Variants in CAMTA1 observed in about 807,000 individuals in gnomAD.
The protein encoded by CAMTA1 is calmodulin-binding transcription activator 1.
Under a neutral mutation model 170.9 loss-of-function variants are expected in CAMTA1, and 27 were observed. The ratio of observed to expected loss-of-function variants is 0.16; its 90% CI spans 0.12 to 0.22. The LOEUF (loss-of-function observed/expected upper bound fraction) is 0.22, where lower values mean the gene tolerates loss of function less well. Ranked by LOEUF, CAMTA1 falls within the 10% of genes least tolerant of loss-of-function variation. The probability of loss-of-function intolerance (pLI) is 1.00; values close to 1 mark genes in which losing one functional copy is unlikely to be tolerated. For synonymous variants in CAMTA1, 833 were observed against 891.5 expected (o/e 0.93, Z 1.17); for missense variants, 1,619 against 2,217.2 (o/e 0.73, Z 5.42).
chr1:6,900,779 A>G (rs1055151170), intron 3 of CAMTA1, among the ~76,000 whole-genome samples: 1 of 152,250 alleles, frequency 6.6e-6, no homozygotes, highest in Admixed American at 6.5e-5. Context: ...AGAGAAATTA[A>G]GAGAAGATCT....
chr1:7,184,759 A>G (rs1652910431), intron 4 of CAMTA1, among the ~76,000 whole-genome samples: 1 of 152,170 alleles, frequency 6.6e-6, no homozygotes, highest in African/African-American at 2.4e-5. Context: ...TTTCAAACTA[A>G]AAACATCATG....
At chr1:6,852,765 G>A (rs906053889) in intron 3 of CAMTA1, among the ~76,000 whole-genome samples, 1 of 152,168 alleles carries the variant, frequency 6.6e-6, no homozygotes, top group Non-Finnish European at 1.5e-5. Context: ...GCTCTATTAC[G>A]AAGGCATGAT....
intron 6 of CAMTA1, among the ~76,000 whole-genome samples, chr1:7,519,405 G>A (rs939206532): frequency 9.9e-5 from 15 of 151,990 alleles, no homozygotes; most frequent in Non-Finnish European, 1.3e-4. Context: ...TTGGCAGAAG[G>A]AGCTCTGCAC....
chr1:7,556,353 G>A (rs1369140918), intron 6 of CAMTA1, among the ~76,000 whole-genome samples: 1 of 152,136 alleles, frequency 6.6e-6, no homozygotes, highest in African/African-American at 2.4e-5. Context: ...CCCTAGGGGG[G>A]CAGTCCCTCC....
chr1:7,103,556 CACATACACACA>C (rs1458020844), intron 4 of CAMTA1, among the ~76,000 whole-genome samples: 993 of 32,334 alleles, frequency 0.031, 7 homozygotes, highest in African/African-American at 0.19. Flanking sequence ...ACACACTACA[CACATACACACA>C]ACACAACTAC....
chr1:7,172,158 C>CT (rs780671382), intron 4 of CAMTA1, among the ~76,000 whole-genome samples: 89 of 147,152 alleles, frequency 6.0e-4, no homozygotes, highest in East Asian at 2.6e-3. Context: ...TGTGACTTCT[C>CT]TTTTTTTTTT....
At chr1:7,166,834 G>A (rs2148802014) in intron 4 of CAMTA1, among the ~76,000 whole-genome samples, 1 of 148,614 alleles carries the variant, frequency 6.7e-6, no homozygotes, top group Admixed American at 6.7e-5. Flanking sequence ...AAATTGAGAT[G>A]GAGTCTCACT....
intron 11 of CAMTA1, among the ~76,000 whole-genome samples, chr1:7,728,836 G>A (rs558801363): frequency 1.7e-4 from 26 of 152,262 alleles, no homozygotes; most frequent in South Asian, 6.2e-4. Flanking sequence ...AGACACCAGC[G>A]CAACCTCTGT....
At chr1:7,720,431 G>A (rs1577174412) in intron 11 of CAMTA1, among the ~76,000 whole-genome samples, 1 of 152,102 alleles carries the variant, frequency 6.6e-6, no homozygotes, top group Non-Finnish European at 1.5e-5. Context: ...GCCCAGGCTG[G>A]AGTGCAGTGG....
intron 4 of CAMTA1, among the ~76,000 whole-genome samples, chr1:7,212,657 G>A (rs990735541): frequency 6.6e-6 from 1 of 152,122 alleles, no homozygotes; most frequent in Non-Finnish European, 1.5e-5. Context: ...CTATAGTAGA[G>A]TATCACAGCC....
intron 3 of CAMTA1, among the ~76,000 whole-genome samples, chr1:6,910,423 C>T (rs1178574699): frequency 6.6e-6 from 1 of 152,224 alleles, no homozygotes; most frequent in Non-Finnish European, 1.5e-5. Context: ...TTCTTTTTAG[C>T]CAGGCTGGAA....
chr1:7,611,344 C>T (rs983522206), intron 6 of CAMTA1, among the ~76,000 whole-genome samples: 1 of 152,174 alleles, frequency 6.6e-6, no homozygotes. Context: ...TTTTCTGGCA[C>T]CCCCTTAAAT....
At chr1:6,904,972 T>C (rs2149237230) in intron 3 of CAMTA1, among the ~76,000 whole-genome samples, 1 of 152,090 alleles carries the variant, frequency 6.6e-6, no homozygotes, top group South Asian at 2.1e-4. Flanking sequence ...TCCAACAGGT[T>C]ATTCGTGTGG....
In CAMTA1 at chr1:7,469,320, G is replaced by C. The variant is rs374017184; in HGVS notation, c.510+1419G>C. On this transcript the variant is annotated intron_variant, in intron 6 of 22. Coordinates refer to ENST00000303635, the MANE Select transcript of CAMTA1 (RefSeq NM_015215.4). ...TTTTGGGGTCTTGTTACTAGGAATT[G>C]GTCCCAAGGTGTTCCACCCCTTGGC... Among the ~76,000 whole-genome samples, 5 of 152,228 alleles carry C rather than the reference G, an allele frequency of 3.3e-5. No individual in the cohort carries two copies. The South Asian group carries it at 1.0e-3, about 32-fold the overall frequency.
At chr1:6,838,569 AT>A (rs968362560) in intron 3 of CAMTA1, among the ~76,000 whole-genome samples, 1 of 152,024 alleles carries the variant, frequency 6.6e-6, no homozygotes, top group Non-Finnish European at 1.5e-5. Context: ...GTATCTTCAG[AT>A]TTTTTTCTTT....
At chr1:7,639,905 C>T (rs978067106) in intron 6 of CAMTA1, among the ~76,000 whole-genome samples, 6 of 152,242 alleles carry the variant, frequency 3.9e-5, no homozygotes, top group African/African-American at 4.8e-5. Flanking sequence ...TGGGGAGAAG[C>T]GGGTGACCAT....
In CAMTA1 at chr1:7,299,545, T is replaced by C. The variant is rs1236610631; in HGVS notation, c.438+49919T>C. ...ACTCGGAGAGCTTCCAACCTCGCAA[T>C]GAGCCAGCGGCTCCCCGGAGTCAGA... On this transcript the variant is annotated intron_variant, in intron 5 of 22. Transcript: ENST00000303635. The surrounding 1 kb of genome is among the most constrained non-coding windows in gnomAD (Gnocchi z 4.7). 1.3e-5 allele frequency among the ~76,000 whole-genome samples: 2 copies of C among 152,232 alleles called. No individual in the cohort carries two copies. The highest frequency in any genetic ancestry group is 2.4e-5 in the African/African-American group (1 of 41,462).
chr1:7,354,801 G>A (rs1352474210), intron 5 of CAMTA1, among the ~76,000 whole-genome samples: 1 of 152,116 alleles, frequency 6.6e-6, no homozygotes, highest in Non-Finnish European at 1.5e-5. Flanking sequence ...TTTGATGTGC[G>A]TTTTTCTGAT....
intron 4 of CAMTA1, among the ~76,000 whole-genome samples, chr1:7,175,940 C>T (rs1481441173): frequency 1.3e-5 from 2 of 152,190 alleles, no homozygotes; most frequent in Non-Finnish European, 2.9e-5. Context: ...TCGGTGGTCC[C>T]TCACATTTCC....
Sources: allele counts gnomAD v4.1 joint callset (sites outside exome capture counted in the v4.1 genomes callset), GRCh38; gene constraint gnomAD v4.1.1; non-coding constraint Gnocchi (gnomAD v3.1); transcripts MANE v1.5; gene names NCBI Gene and HGNC (gene_info 2026-07-23, HGNC 2026-07-21).